CRTC3: variants seen among roughly 807,000 people sequenced by gnomAD.
The protein encoded by CRTC3 is CREB regulated transcription coactivator 3, also known as CREB-regulated transcription coactivator 3.
In CRTC3, 26 loss-of-function variants were observed where a neutral mutation model predicts 74.5. The observed-to-expected ratio is 0.35, with a 90% confidence interval of 0.26 to 0.48. The LOEUF (loss-of-function observed/expected upper bound fraction) is 0.48. Ranked by LOEUF, CRTC3 falls within the 20% of genes least tolerant of loss-of-function variation. The pLI is 0.99. For synonymous variants in CRTC3, 377 were observed against 325.8 expected (o/e 1.16, Z -1.69); for missense variants, 760 against 787.3 (o/e 0.97, Z 0.41).
chr15:90,534,562 G>GTTGGTTGT (rs1467782174), intron 1 of CRTC3, among the ~76,000 whole-genome samples: 2 of 42,720 alleles, frequency 4.7e-5, no homozygotes, highest in Admixed American at 3.6e-4. Context: ...AATGTGGTTA[G>GTTGGTTGT]TTGGTTGGTT....
chr15:90,640,273 TA>T (rs1969392278), intron 13 of CRTC3, among the ~76,000 whole-genome samples: 1 of 152,174 alleles, frequency 6.6e-6, no homozygotes, highest in African/African-American at 2.4e-5. Context: ...GAAAGGAACC[TA>T]AAATTGGCAC....
At chr15:90,542,639 G>T (rs1966821877) in intron 2 of CRTC3, among the ~76,000 whole-genome samples, 1 of 152,172 alleles carries the variant, frequency 6.6e-6, no homozygotes, top group South Asian at 2.1e-4. Flanking sequence ...ATTACAATCT[G>T]ATCTTCAGAC....
chr15:90,593,591 C>T, intron 2 of CRTC3, 45 bp from the exon 3 acceptor site: 3 of 1,581,218 alleles, frequency 1.9e-6, no homozygotes, highest in Non-Finnish European at 2.6e-6. Flanking sequence ...GGGTGAGTGT[C>T]AATTTCATGG....
At chr15:90,537,885 G>T (rs1014578550) in intron 1 of CRTC3, among the ~76,000 whole-genome samples, 1 of 152,202 alleles carries the variant, frequency 6.6e-6, no homozygotes, top group Non-Finnish European at 1.5e-5. Context: ...CAGGCTAGCC[G>T]TGTTCTTTTT....
chr15:90,593,986 C>T (rs1596108438), intron 3 of CRTC3: 1 of 386,554 alleles, frequency 2.6e-6, no homozygotes, highest in Non-Finnish European at 4.6e-6. Context: ...AATGAAATAA[C>T]AACAAAAACA....
At chr15:90,575,393 T>A (rs1359484834) in intron 2 of CRTC3, among the ~76,000 whole-genome samples, 1 of 152,172 alleles carries the variant, frequency 6.6e-6, no homozygotes. Context: ...GCTCCCAGGT[T>A]TTTTGTTATA....
intron 2 of CRTC3, among the ~76,000 whole-genome samples, chr15:90,543,121 C>A (rs1408278633): frequency 1.5e-5 from 2 of 132,520 alleles, no homozygotes; most frequent in African/African-American, 2.9e-5. Context: ...CATGGAGAGA[C>A]CCTGTCTCTA....
At chr15:90,537,460 G>A (rs1056011551) in intron 1 of CRTC3, among the ~76,000 whole-genome samples, 3 of 151,842 alleles carry the variant, frequency 2.0e-5, no homozygotes, top group East Asian at 3.9e-4. Context: ...CTCGGCTCAC[G>A]GCAAGCTCCG....
At chr15:90,624,905 G>A (rs1329709085) in intron 9 of CRTC3, 1 of 152,678 alleles carries the variant, frequency 6.5e-6, no homozygotes, top group African/African-American at 2.4e-5. Flanking sequence ...TGCATAGGCT[G>A]GGATAGCTAT....
In CRTC3 at chr15:90,642,387, CA is replaced by C; in HGVS notation, c.*248del. ...AGCAGGCAGGCTGCTTGGAGCTTCC[CA>C]TGAACTGGAAAGCTCACCTCCACTG... On this transcript the variant is annotated 3_prime_UTR_variant, in exon 15 of 15. Transcript: ENST00000268184. 1 of 542,084 alleles carries C rather than the reference CA, an allele frequency of 1.8e-6. No homozygotes were observed. The highest frequency in any genetic ancestry group is 3.1e-5 in the Admixed American group (1 of 31,924). The allele number at this position is 542,084 out of a possible 1,614,324, so 33.6% of individuals were successfully genotyped here. A position where few individuals can be genotyped will look rare whatever the true frequency, so the allele number is the denominator to read the frequency against.
At chr15:90,604,842 A>G (rs1968173674) in intron 5 of CRTC3, among the ~76,000 whole-genome samples, 1 of 152,222 alleles carries the variant, frequency 6.6e-6, no homozygotes. Flanking sequence ...TCCAGGAGTA[A>G]GAGTTCTACC....
rs1035511180 is a variant in CRTC3 at position 90,643,775 on chromosome 15, C to A, written c.*1635C>A. 1 of 232,928 alleles carries A rather than the reference C, an allele frequency of 4.3e-6. No homozygotes were observed. The highest frequency in any genetic ancestry group is 8.5e-6 in the Non-Finnish European group (1 of 118,048). 14.4% of individuals were successfully genotyped at this position (232,928 alleles called of 1,614,324 possible). A position where few individuals can be genotyped will look rare whatever the true frequency, so the allele number is the denominator to read the frequency against. On this transcript the variant is annotated 3_prime_UTR_variant, in exon 15 of 15. Coordinates refer to ENST00000268184, the MANE Select transcript of CRTC3 (RefSeq NM_022769.5). ...AGGACAGGGTGGAGAGGAGGAGAAC[C>A]CTGAAGGAGAGACGGAAGATGCCAG...
At chr15:90,584,570 CATT>C (rs1429028135) in intron 2 of CRTC3, among the ~76,000 whole-genome samples, 1 of 152,170 alleles carries the variant, frequency 6.6e-6, no homozygotes, top group Non-Finnish European at 1.5e-5. Flanking sequence ...GTTGTGGTCT[CATT>C]ATGTCGTCCA....
intron 2 of CRTC3, among the ~76,000 whole-genome samples, chr15:90,572,282 CATTT>C (rs1337167856): frequency 1.3e-5 from 2 of 151,778 alleles, no homozygotes; most frequent in African/African-American, 2.4e-5. Context: ...GCTATCCCAT[CATTT>C]ATATAACCAG....
chr15:90,584,585 G>C, intron 2 of CRTC3, among the ~76,000 whole-genome samples: 1 of 152,126 alleles, frequency 6.6e-6, no homozygotes, highest in East Asian at 1.9e-4. Flanking sequence ...TGTCGTCCAG[G>C]GTGGACACCA....
intron 2 of CRTC3, among the ~76,000 whole-genome samples, chr15:90,586,303 A>T (rs1469634902): frequency 6.7e-6 from 1 of 148,456 alleles, no homozygotes; most frequent in East Asian, 2.0e-4. Flanking sequence ...AACCATTTAT[A>T]TGCTTAATCC....
Position 90,628,265 on chromosome 15 carries a change from T to C in CRTC3, c.968-969T>C, listed in dbSNP as rs562706616. Among the ~76,000 whole-genome samples, 3 of 152,226 alleles carry C rather than the reference T, an allele frequency of 2.0e-5. No individual in the cohort carries two copies. The East Asian group carries it at 5.8e-4, about 30-fold the overall frequency. On this transcript the variant is annotated intron_variant, in intron 10 of 14. Coordinates refer to ENST00000268184, the MANE Select transcript of CRTC3 (RefSeq NM_022769.5). ...TGATAATAATAATTTTGCCAGCTGC[T>C]GGATTTTTGTCATTTCTTCCTTTTC...
chr15:90,623,147 C>T (rs1007630809), intron 9 of CRTC3, among the ~76,000 whole-genome samples: 2 of 152,126 alleles, frequency 1.3e-5, no homozygotes, highest in African/African-American at 2.4e-5. Flanking sequence ...GCCCTCCTCC[C>T]GCTGGATTTG....
At chr15:90,591,120 A>ATTT (rs11380695) in intron 2 of CRTC3, among the ~76,000 whole-genome samples, 2 of 145,488 alleles carry the variant, frequency 1.4e-5, no homozygotes, top group African/African-American at 5.1e-5. Context: ...ACGCCCCACT[A>ATTT]TTTTTTTTTT....
Sources: gnomAD v4.1 joint callset for allele counts (sites outside exome capture counted in the v4.1 genomes callset) on GRCh38, gnomAD v4.1.1 for gene constraint, MANE v1.5 for transcripts, NCBI Gene and HGNC (gene_info 2026-07-23, HGNC 2026-07-21) for gene names.